Variants in KDM1B observed in about 807,000 individuals in gnomAD.
The protein encoded by KDM1B is lysine-specific histone demethylase 2.
Under a neutral mutation model 107.4 loss-of-function variants are expected in KDM1B, and 63 were observed. That is an observed-to-expected ratio of 0.59 (90% confidence interval 0.48 to 0.72). The LOEUF is 0.72. Among genes scored for constraint, KDM1B ranks in the 30% least tolerant of loss-of-function variants. The pLI, the probability that KDM1B is intolerant of heterozygous loss-of-function variation, is 0.00. For missense variants in KDM1B, 749 were observed against 1,020.8 expected, an observed-to-expected ratio of 0.73 and a Z score of 3.63; for synonymous variants, 363 against 363.9, an observed-to-expected ratio of 1.00 and a Z score of 0.03.
chr6:18,167,489 T>TC (rs1266305354), intron 6 of KDM1B, among the ~76,000 whole-genome samples: 2 of 152,168 alleles, frequency 1.3e-5, no homozygotes, highest in Non-Finnish European at 2.9e-5. Context: ...ATTTTTTTTT[T>TC]CTGAGACAGG....
rs550951730 is a variant in KDM1B at position 18,209,469 on chromosome 6, A to G, written c.1866+1263A>G. On this transcript the variant is annotated intron_variant, in intron 17 of 21. Coordinates refer to ENST00000650836, the MANE Select transcript of KDM1B (RefSeq NM_001364614.2). The surrounding 1 kb of genome is among the most constrained non-coding windows in gnomAD (Gnocchi z 4.3). ...GTTAGTCGGGGCAGGGGATCCTAAC[A>G]TTATTCCTGCCATTAACCAACTCGG... 3.3e-4 allele frequency among the ~76,000 whole-genome samples: 51 copies of G among 152,296 alleles called. No individual in the cohort carries two copies. The highest frequency in any genetic ancestry group is 1.1e-3 in the African/African-American group (47 of 41,556).
chr6:18,223,563 A>ATTAT lies in KDM1B; in HGVS notation c.*1573_*1576dup, dbSNP rs1178603769. The ATTAT allele has an allele frequency of 2.0e-5, 3 of 149,694 alleles. No homozygotes were observed. The highest frequency in any genetic ancestry group is 7.3e-5 in the African/African-American group (3 of 41,264). The allele number at this position is 149,694 out of a possible 1,614,324, so 9.3% of individuals were successfully genotyped here. A position where few individuals can be genotyped will look rare whatever the true frequency, so the allele number is the denominator to read the frequency against. On this transcript the variant is annotated 3_prime_UTR_variant, in exon 22 of 22. Transcript: ENST00000650836. ...TTAAGTTTGAAATGGTTAACAGTAAATTATTATGTTAGTTTCCAGGCACTT... is the reference window on the plus strand; with the variant it reads ...TTAAGTTTGAAATGGTTAACAGTAAATTATTTATTATGTTAGTTTCCAGGCACTT...
chr6:18,165,340 C>T (rs1215009750), intron 5 of KDM1B, among the ~76,000 whole-genome samples: 5 of 151,328 alleles, frequency 3.3e-5, no homozygotes, highest in East Asian at 2.0e-4. Context: ...CTGTGTTAGC[C>T]AGGATGGTCT....
At chr6:18,210,342 C>CTTTTTTTTTT (rs533016543) in intron 17 of KDM1B, among the ~76,000 whole-genome samples, 1,056 of 69,620 alleles carry the variant, frequency 0.015, 49 homozygotes, top group Non-Finnish European at 0.022. Flanking sequence ...TCTTTCTTTT[C>CTTTTTTTTTT]TTTTTTTTTT....
intron 9 of KDM1B, among the ~76,000 whole-genome samples, chr6:18,189,981 T>TAA (rs942488451): frequency 1.3e-5 from 2 of 150,102 alleles, no homozygotes; most frequent in Non-Finnish European, 3.0e-5. Context: ...CCGTCTCTAC[T>TAA]AAAAAAAAAT....
chr6:18,208,663 G>A (rs1459296465), intron 17 of KDM1B, among the ~76,000 whole-genome samples: 1 of 34,880 alleles, frequency 2.9e-5, no homozygotes, highest in African/African-American at 9.1e-5. Flanking sequence ...TTTTTTTTTT[G>A]AGATGGAGTC....
At position 18,197,928 on chromosome 6, in the gene KDM1B, T is replaced by C. The variant is rs1035366660; in HGVS notation, c.1221+267T>C. Among the ~76,000 whole-genome samples, 4 of 147,114 alleles carry C rather than the reference T, an allele frequency of 2.7e-5. No individual in the cohort carries two copies. The highest frequency in any genetic ancestry group is 2.1e-4 in the South Asian group (1 of 4,718). Reference sequence around the variant, plus strand: ...ACTTGGCATTAAAGTAGAAATTCTTTTTTTTTTTTTTTTTTGAGACAGAGT... The same window carrying C: ...ACTTGGCATTAAAGTAGAAATTCTTCTTTTTTTTTTTTTTTGAGACAGAGT... On this transcript the variant is annotated intron_variant, in intron 12 of 21. Coordinates refer to ENST00000650836, the MANE Select transcript of KDM1B (RefSeq NM_001364614.2). The surrounding 1 kb of genome is among the most constrained non-coding windows in gnomAD (Gnocchi z 4.5).
In KDM1B at chr6:18,172,888, A is replaced by G. The variant is rs1386543159; in HGVS notation, c.534+1409A>G. Among the ~76,000 whole-genome samples, 6 of 151,996 alleles carry G rather than the reference A, an allele frequency of 3.9e-5. No homozygotes were observed. Among genetic ancestry groups the G allele is most frequent in the African/African-American group, 1.2e-4 (5 of 41,398 alleles). On this transcript the variant is annotated intron_variant, in intron 7 of 21. Transcript: ENST00000650836. This position sits in a 1 kb window ranked among gnomAD's most constrained non-coding sequence, Gnocchi z 5.2. ...GCGGATCACCCGAGGTCAGGAGTTC[A>G]AGACCAGCCTGGCCAACATGTTGAA...
intron 21 of KDM1B, among the ~76,000 whole-genome samples, chr6:18,218,298 A>G (rs973710204): frequency 6.6e-6 from 1 of 150,434 alleles, no homozygotes; most frequent in Non-Finnish European, 1.5e-5. Context: ...TTTTTTTTTT[A>G]TTTTTTGTAG....
intron 21 of KDM1B, among the ~76,000 whole-genome samples, chr6:18,220,871 A>C (rs1789657554): frequency 2.0e-5 from 3 of 151,368 alleles, no homozygotes; most frequent in Admixed American, 6.6e-5. Context: ...ACCTGCGTTC[A>C]AGCAATTCTG....
intron 7 of KDM1B, among the ~76,000 whole-genome samples, chr6:18,183,258 GTTTTTTTT>G (rs34558185): frequency 4.9e-5 from 3 of 61,430 alleles, no homozygotes; most frequent in African/African-American, 6.1e-5. Flanking sequence ...AATTTTGTGG[GTTTTTTTT>G]TTTTTTTTTT....
At chr6:18,164,991 C>T (rs1031587745) in intron 5 of KDM1B, among the ~76,000 whole-genome samples, 3 of 152,058 alleles carry the variant, frequency 2.0e-5, no homozygotes, top group Non-Finnish European at 4.4e-5. Flanking sequence ...TGTAATCCCA[C>T]TGACAATCTC....
rs1307305472 is a variant in KDM1B at position 18,209,983 on chromosome 6, G to C, written c.1866+1777G>C. Among the ~76,000 whole-genome samples, 1 of 152,122 alleles carries C rather than the reference G, an allele frequency of 6.6e-6. No homozygotes were observed. Among genetic ancestry groups the C allele is most frequent in the East Asian group, 1.9e-4 (1 of 5,188 alleles). On this transcript the variant is annotated intron_variant, in intron 17 of 21. Transcript: ENST00000650836. The surrounding 1 kb of genome is among the most constrained non-coding windows in gnomAD (Gnocchi z 4.3). Reference sequence around the variant, plus strand: ...TCTTGGTGTCCAGGACAGCAAGCTGGTTTTAACTCCCCTGCTTTGTTACTC... The same window carrying C: ...TCTTGGTGTCCAGGACAGCAAGCTGCTTTTAACTCCCCTGCTTTGTTACTC...
chr6:18,198,096 G>A (rs532262099), intron 12 of KDM1B, among the ~76,000 whole-genome samples: 28 of 151,994 alleles, frequency 1.8e-4, no homozygotes, highest in Admixed American at 1.5e-3. Flanking sequence ...GGGTTTCACC[G>A]TGTTGGCCAG....
chr6:18,191,130 G>C lies in KDM1B; in HGVS notation c.785-67G>C, dbSNP rs1409933235. On this transcript the variant is annotated intron_variant, in intron 9 of 21. Coordinates refer to ENST00000650836, the MANE Select transcript of KDM1B (RefSeq NM_001364614.2). This position sits in a 1 kb window ranked among gnomAD's most constrained non-coding sequence, Gnocchi z 5.1. ...TAGGCTTACTTTTTGGTTTGCTTTT[G>C]CCCTTTAATTCTTCTGGATTTGGAA... 6.9e-7 allele frequency: 1 copy of C among 1,439,576 alleles called. No homozygotes were observed. The highest frequency in any genetic ancestry group is 9.4e-7 in the Non-Finnish European group (1 of 1,061,012). The allele number at this position is 1,439,576 out of a possible 1,614,324, so 89.2% of individuals were successfully genotyped here.
At position 18,191,300 on chromosome 6, in the gene KDM1B, G is replaced by A. The variant is rs1787268795; in HGVS notation, c.888G>A (p.Glu296=). 1.9e-6 allele frequency: 3 copies of A among 1,550,930 alleles called. No homozygotes were observed. Among genetic ancestry groups the A allele is most frequent in the Non-Finnish European group, 2.6e-6 (3 of 1,147,072 alleles). The change falls in exon 10 of 22, where the codon GAG becomes GAA. Residue 296 remains glutamate, a synonymous_variant. Transcript: ENST00000650836. This position sits in a 1 kb window ranked among gnomAD's most constrained non-coding sequence, Gnocchi z 5.1. The part of the protein sequence containing the change: ...PDVMELDELY[E]FPEYSRDPTM... The stretch of plus-strand genomic sequence containing the variant: ...TGATGGAACTGGATGAGCTCTATGA[G>A]TTTCCAGAGTATTCCCGAGACCCCA...
In KDM1B at chr6:18,187,777, T is replaced by TC; in HGVS notation, c.574-14dup. The TC allele has an allele frequency of 6.7e-7, 1 of 1,502,166 alleles. No homozygotes were observed. Among genetic ancestry groups the TC allele is most frequent in the South Asian group, 1.2e-5 (1 of 82,924 alleles). The allele number at this position is 1,502,166 out of a possible 1,614,324, so 93.1% of individuals were successfully genotyped here. Reference sequence around the variant, plus strand: ...TCTGTCCTTGTCTCTCTTCTTCCTGTCTGGCCCATTGCAGAGAGTATTGGA... The same window carrying TC: ...TCTGTCCTTGTCTCTCTTCTTCCTGTCCTGGCCCATTGCAGAGAGTATTGGA... On this transcript the variant is annotated splice_polypyrimidine_tract_variant and intron_variant, in intron 8 of 21. Coordinates refer to ENST00000650836, the MANE Select transcript of KDM1B (RefSeq NM_001364614.2).
chr6:18,215,085 C>G lies in KDM1B; in HGVS notation c.2188C>G (p.Leu730Val), dbSNP rs1373070639. The G allele has an allele frequency of 6.2e-7, 1 of 1,613,800 alleles. No homozygotes were observed. Among genetic ancestry groups the G allele is most frequent in the South Asian group, 1.1e-5 (1 of 91,080 alleles). ...GAGGACCCTGGATGACAAACAGGTG[C>G]TGCAGCAGTGCATGGCCACGCTCCG... is the stretch of plus-strand genomic sequence containing the variant. Reference protein sequence around the residue: ...SVRTLDDKQVLQQCMATLREL... With the variant: ...SVRTLDDKQVVQQCMATLREL... The change falls in exon 20 of 22, where the codon CTG (leucine) becomes GTG (valine). Residue 730 changes from leucine (L) to valine (V), a missense_variant. Leu to Val is a conservative substitution (Grantham distance 32). Coordinates refer to ENST00000650836, the MANE Select transcript of KDM1B (RefSeq NM_001364614.2).
In KDM1B at chr6:18,201,025, G is replaced by A. The variant is rs551910196; in HGVS notation, c.1359+449G>A. Among the ~76,000 whole-genome samples the A allele has an allele frequency of 2.4e-4, 36 of 152,340 alleles. No homozygotes were observed. The highest frequency in any genetic ancestry group is 7.5e-4 in the African/African-American group (31 of 41,582). ...AACATCATATTTAAGGAGGCAGCCT[G>A]TCTTTAATCTGGCAGTCATAGAGAG... On this transcript the variant is annotated intron_variant, in intron 13 of 21. Transcript: ENST00000650836. This position sits in a 1 kb window ranked among gnomAD's most constrained non-coding sequence, Gnocchi z 4.3.
Sources: gnomAD v4.1 joint callset for allele counts (sites outside exome capture counted in the v4.1 genomes callset) on GRCh38, gnomAD v4.1.1 for gene constraint, Gnocchi (gnomAD v3.1) non-coding constraint, MANE v1.5 for transcripts, NCBI Gene and HGNC (gene_info 2026-07-23, HGNC 2026-07-21) for gene names.